SMARCA2: variants seen among roughly 807,000 people sequenced by gnomAD.
SMARCA2 encodes SWI/SNF related BAF chromatin remodeling complex subunit ATPase 2.
A neutral mutation model predicts 199.8 loss-of-function variants in SMARCA2; 61 were observed. The observed-to-expected ratio is 0.31, with a 90% CI of 0.25 to 0.38. SMARCA2 has a LOEUF of 0.38. Ranked by LOEUF, SMARCA2 falls within the 10% of genes least tolerant of loss-of-function variation. The pLI, the probability that SMARCA2 is intolerant of heterozygous loss-of-function variation, is 1.00. For synonymous variants in SMARCA2, 935 were observed against 732.0 expected, an observed-to-expected ratio of 1.28 and a Z score of -4.48; for missense variants, 1,344 against 2,012.2, an observed-to-expected ratio of 0.67 and a Z score of 6.35.
rs367814078 is a variant in SMARCA2, at chr9:2,192,955, C to T, written c.*216C>T. 21 of 498,532 alleles carry T rather than the reference C, an allele frequency of 4.2e-5. No homozygotes were observed. The highest frequency in any genetic ancestry group is 4.1e-4 in the African/African-American group (21 of 50,800). 30.9% of individuals were successfully genotyped at this position (498,532 alleles called of 1,614,324 possible). A position where few individuals can be genotyped will look rare whatever the true frequency, so the allele number is the denominator to read the frequency against. Reference sequence around the variant, plus strand: ...TGTAACATATTGTGACCAAATGGGCCTCAAAGATTCAGATTGAAACAAACA... The same window carrying T: ...TGTAACATATTGTGACCAAATGGGCTTCAAAGATTCAGATTGAAACAAACA... On this transcript the variant is annotated 3_prime_UTR_variant, in exon 34 of 34. Coordinates refer to ENST00000349721, the MANE Select transcript of SMARCA2 (RefSeq NM_003070.5).
At chr9:2,179,268 G>A (rs1280187998) in intron 29 of SMARCA2, among the ~76,000 whole-genome samples, 1 of 152,178 alleles carries the variant, frequency 6.6e-6, no homozygotes, top group Non-Finnish European at 1.5e-5. Flanking sequence ...ATCCTGGAGG[G>A]CTTTGGAAGC....
intron 1 of SMARCA2, among the ~76,000 whole-genome samples, chr9:2,023,026 C>T (rs1241962895): frequency 6.6e-6 from 1 of 152,154 alleles, no homozygotes; most frequent in Non-Finnish European, 1.5e-5. Context: ...TCGTAAATTC[C>T]CTTTTTAAAA....
At chr9:2,102,767 A>T (rs1287450877) in intron 22 of SMARCA2, among the ~76,000 whole-genome samples, 2 of 152,054 alleles carry the variant, frequency 1.3e-5, no homozygotes, top group Non-Finnish European at 2.9e-5. Context: ...GTCCATAGTG[A>T]TCTTATAAAA....
chr9:2,148,353 G>C (rs1239448283), intron 27 of SMARCA2, among the ~76,000 whole-genome samples: 3 of 151,636 alleles, frequency 2.0e-5, no homozygotes, highest in Non-Finnish European at 4.4e-5. Flanking sequence ...AGTAGGCAGA[G>C]TCATAAGTAG....
intron 1 of SMARCA2, among the ~76,000 whole-genome samples, chr9:2,018,210 G>C (rs770796962): frequency 3.3e-5 from 5 of 152,266 alleles, no homozygotes; most frequent in Admixed American, 2.0e-4. Context: ...AATCGAGGGA[G>C]TGGGGGTGTT....
chr9:2,172,641 T>C (rs1211478017), intron 29 of SMARCA2, among the ~76,000 whole-genome samples: 1 of 152,062 alleles, frequency 6.6e-6, no homozygotes, highest in East Asian at 1.9e-4. Flanking sequence ...AGGAGGAATT[T>C]TGATGTACTC....
chr9:2,021,133 T>C (rs1018728819), intron 1 of SMARCA2, among the ~76,000 whole-genome samples: 1 of 152,234 alleles, frequency 6.6e-6, no homozygotes, highest in Admixed American at 6.5e-5. Context: ...CTTATGCCAG[T>C]ATGTCATCTA....
intron 24 of SMARCA2, among the ~76,000 whole-genome samples, chr9:2,112,486 T>A (rs1823049526): frequency 6.6e-6 from 1 of 152,148 alleles, no homozygotes; most frequent in African/African-American, 2.4e-5. Context: ...CTCATTTTTT[T>A]TTTTCGTACT....
At chr9:2,078,286 A>T (rs1821413404) in intron 14 of SMARCA2, among the ~76,000 whole-genome samples, 1 of 152,106 alleles carries the variant, frequency 6.6e-6, no homozygotes, top group South Asian at 2.1e-4. Context: ...AGCCTGGCCA[A>T]CATGGTGAAA....
intron 31 of SMARCA2, 77 bp from the exon 32 acceptor site, chr9:2,186,019 G>A (rs537873520): frequency 1.5e-6 from 2 of 1,342,990 alleles, no homozygotes; most frequent in South Asian, 1.3e-5. Flanking sequence ...AATTAAGCTG[G>A]TGTATTGCAT....
intron 1 of SMARCA2, among the ~76,000 whole-genome samples, chr9:2,018,662 C>A (rs1818469133): frequency 6.6e-6 from 1 of 152,220 alleles, no homozygotes; most frequent in Admixed American, 6.5e-5. Flanking sequence ...AGAATGCTTG[C>A]ATAAATAATG....
intron 29 of SMARCA2, among the ~76,000 whole-genome samples, chr9:2,177,373 C>A (rs1343812169): frequency 6.6e-6 from 1 of 152,082 alleles, no homozygotes; most frequent in African/African-American, 2.4e-5. Context: ...TTAATATAAA[C>A]AATTTATTTC....
rs1435693435 is a variant in SMARCA2 at position 2,123,700 on chromosome 9, C to G, written c.3763-19C>G. ...ACAGAAGCCCTGACTTTCGGTGACC[C>G]TCTTATTAATGTCTCCAGCGGATGG... On this transcript the variant is annotated intron_variant, in intron 26 of 33. Transcript: ENST00000349721. This position sits in a 1 kb window ranked among gnomAD's most constrained non-coding sequence, Gnocchi z 4.1. The G allele has an allele frequency of 6.2e-6, 10 of 1,610,908 alleles. No homozygotes were observed. The highest frequency in any genetic ancestry group is 1.7e-5 in the Admixed American group (1 of 59,962).
chr9:2,041,724 G>A (rs1184239515), intron 4 of SMARCA2: 1 of 266,144 alleles, frequency 3.8e-6, no homozygotes, highest in African/African-American at 2.2e-5. Context: ...TGAGATTTGG[G>A]AACAGGAAAG....
intron 5 of SMARCA2, among the ~76,000 whole-genome samples, chr9:2,054,121 C>T (rs376348157): frequency 3.9e-5 from 6 of 152,314 alleles, no homozygotes; most frequent in African/African-American, 1.4e-4. Context: ...GCTCACTGCG[C>T]TTTAATGGCT....
chr9:2,169,262 C>T lies in SMARCA2; in HGVS notation c.4200-1157C>T, dbSNP rs1826109033. On this transcript the variant is annotated intron_variant, in intron 28 of 33. Coordinates refer to ENST00000349721, the MANE Select transcript of SMARCA2 (RefSeq NM_003070.5). The surrounding 1 kb of genome is among the most constrained non-coding windows in gnomAD (Gnocchi z 6.5). ...CTGCGTGCCCTGCCTCCAGTCTCTT[C>T]CTGTCCTGGCTTCTTTCTGAGGCAC... Among the ~76,000 whole-genome samples, 2 of 152,318 alleles carry T rather than the reference C, an allele frequency of 1.3e-5. No individual in the cohort carries two copies. Among genetic ancestry groups the T allele is most frequent in the South Asian group, 4.1e-4 (2 of 4,828 alleles).
chr9:2,076,369 G>T, intron 13 of SMARCA2, 40 bp downstream of exon 13: 1 of 1,190,072 alleles, frequency 8.4e-7, no homozygotes, highest in Non-Finnish European at 1.3e-6. Flanking sequence ...CATTGCATGA[G>T]GATGATGCTT....
intron 27 of SMARCA2, among the ~76,000 whole-genome samples, chr9:2,138,265 G>A (rs781251752): frequency 1.2e-4 from 18 of 151,914 alleles, no homozygotes; most frequent in African/African-American, 1.9e-4. Context: ...TGTGTTTTCC[G>A]TATTTAAAAT....
intron 27 of SMARCA2, among the ~76,000 whole-genome samples, chr9:2,140,834 C>G (rs981369192): frequency 6.6e-6 from 1 of 152,092 alleles, no homozygotes; most frequent in African/African-American, 2.4e-5. Flanking sequence ...GAGCCCCTGC[C>G]CGTTAGTGGT....
Sources: allele counts gnomAD v4.1 joint callset (sites outside exome capture counted in the v4.1 genomes callset), GRCh38; gene constraint gnomAD v4.1.1; non-coding constraint Gnocchi (gnomAD v3.1); transcripts MANE v1.5; gene names NCBI Gene and HGNC (gene_info 2026-07-23, HGNC 2026-07-21).